SNX8: variants seen among roughly 807,000 people sequenced by gnomAD.
SNX8 encodes the protein sorting nexin-8.
In SNX8, 25 loss-of-function variants were observed where a neutral mutation model predicts 51.6. The ratio of observed to expected loss-of-function variants is 0.48; its 90% CI spans 0.35 to 0.68. The LOEUF is 0.68. Among genes scored for constraint, SNX8 ranks in the 30% least tolerant of loss-of-function variants. The pLI, the probability that SNX8 is intolerant of heterozygous loss-of-function variation, is 0.00. For missense variants in SNX8, 695 were observed against 624.0 expected (o/e 1.11, Z -1.21); for synonymous variants, 324 against 277.0 (o/e 1.17, Z -1.68).
chr7:2,305,341 T>C (rs1424163423), intron 1 of SNX8, among the ~76,000 whole-genome samples: 1 of 152,172 alleles, frequency 6.6e-6, no homozygotes, highest in East Asian at 1.9e-4. Flanking sequence ...ACCTCAGGTT[T>C]TCCCCCAACA....
At chr7:2,288,714 T>A (rs1796086908) in intron 1 of SNX8, among the ~76,000 whole-genome samples, 1 of 151,780 alleles carries the variant, frequency 6.6e-6, no homozygotes, top group Admixed American at 6.6e-5. Flanking sequence ...AGCTCAGGGG[T>A]TTTTTGGGGG....
chr7:2,265,734 C>T (rs1345561695), intron 5 of SNX8, among the ~76,000 whole-genome samples: 2 of 152,192 alleles, frequency 1.3e-5, no homozygotes, highest in Non-Finnish European at 2.9e-5. Context: ...TCTTCTATGC[C>T]GCGTTTATTC....
At chr7:2,275,368 T>C in intron 2 of SNX8, 139 bp from the exon 3 acceptor site, 1 of 694,272 alleles carries the variant, frequency 1.4e-6, no homozygotes, top group East Asian at 2.5e-5. Context: ...AGAAACCCTG[T>C]GACGGCTTCG....
chr7:2,310,110 C>T (rs1796632150), intron 1 of SNX8, among the ~76,000 whole-genome samples: 3 of 152,130 alleles, frequency 2.0e-5, no homozygotes, highest in South Asian at 4.1e-4. Flanking sequence ...AGCCAGGATA[C>T]GCCGTGGTCA....
chr7:2,341,074 G>A lies in SNX8; in HGVS notation c.-66+13148C>T, dbSNP rs555215313. ...ATCCCCAGCTACTCAAGAAACTGAG[G>A]TGGGAGGATCACTGGAGCCCAAGTG... On this transcript the variant is annotated intron_variant, in intron 1 of 5. Coordinates refer to the SNX8 transcript ENST00000435336. Among the ~76,000 whole-genome samples, 4 of 151,034 alleles carry A rather than the reference G, an allele frequency of 2.6e-5. No individual in the cohort carries two copies. In the East Asian group the frequency reaches 5.8e-4, roughly 22 times the overall value.
At position 2,303,426 on chromosome 7, in the gene SNX8, G is replaced by A. The variant is rs531151004; in HGVS notation, c.94+10902C>T. 2.0e-5 allele frequency among the ~76,000 whole-genome samples: 3 copies of A among 152,076 alleles called. No individual in the cohort carries two copies. The East Asian group carries it at 5.8e-4, about 30-fold the overall frequency. Reference sequence around the variant, plus strand: ...CTACTGGGAAGTGAGGAGCCCCTCTGCCCGGCCACCACCCCGTCTGGGAGG... The same window carrying A: ...CTACTGGGAAGTGAGGAGCCCCTCTACCCGGCCACCACCCCGTCTGGGAGG... On this transcript the variant is annotated intron_variant, in intron 1 of 10. Transcript: ENST00000222990.
At chr7:2,264,188 AG>A in intron 6 of SNX8, 109 bp downstream of exon 6, 1 of 1,038,762 alleles carries the variant, frequency 9.6e-7, no homozygotes. Context: ...GAGATGAAAC[AG>A]GTCAGGATGC....
intron 7 of SNX8, 80 bp from the exon 8 acceptor site, chr7:2,257,883 C>T (rs1198192492): frequency 5.1e-6 from 7 of 1,379,576 alleles, no homozygotes; most frequent in Non-Finnish European, 7.2e-6. Context: ...CCAAGCCTGG[C>T]CTGGGCCGGT....
chr7:2,322,130 A>G (rs1267407372), intron 1 of SNX8, among the ~76,000 whole-genome samples: 1 of 152,180 alleles, frequency 6.6e-6, no homozygotes, highest in African/African-American at 2.4e-5. Context: ...ATTTAGGAAA[A>G]TGGGAACTAG....
Position 2,256,912 on chromosome 7 carries a change from G to T in SNX8, c.1246C>A (p.Arg416Ser). ...TGGATCTGAGAGTTGACGAAGGCGC[G>T]GAGGATGTGGGAGGTGAGGGGCAGG... is the stretch of plus-strand genomic sequence containing the variant. ...VYLPLTSHIL[R>S]AFVNSQIQGH... The change falls in exon 10 of 11, where the codon CGC (arginine) becomes AGC (serine). Residue 416 changes from arginine (R) to serine (S), a missense_variant. Physicochemically the swap from Arg to Ser is moderately radical, Grantham distance 110 (BLOSUM62 -1). Coordinates refer to ENST00000222990, the MANE Select transcript of SNX8 (RefSeq NM_013321.4). The T allele has an allele frequency of 6.2e-7, 1 of 1,613,642 alleles. No individual in the cohort carries two copies. Among genetic ancestry groups the T allele is most frequent in the Non-Finnish European group, 8.5e-7 (1 of 1,179,844 alleles).
upstream of SNX8, among the ~76,000 whole-genome samples, chr7:2,317,881 A>C (rs1796781394): frequency 6.6e-6 from 1 of 151,896 alleles, no homozygotes; most frequent in African/African-American, 2.4e-5. Context: ...ACATATAACA[A>C]CTTTCCCTAG....
At chr7:2,277,316 G>A (rs1462957766) in intron 2 of SNX8, among the ~76,000 whole-genome samples, 3 of 152,236 alleles carry the variant, frequency 2.0e-5, no homozygotes, top group African/African-American at 7.2e-5. Context: ...CCCAGCAACA[G>A]GAGGGCCGTG....
At chr7:2,317,326 C>T (rs1046295720), upstream of SNX8, among the ~76,000 whole-genome samples, 3 of 113,812 alleles carry the variant, frequency 2.6e-5, no homozygotes, top group East Asian at 2.9e-4. Context: ...TTGCCTGGAG[C>T]GGAGGGCAGT....
intron 1 of SNX8, among the ~76,000 whole-genome samples, chr7:2,311,639 T>C (rs1187009881): frequency 6.6e-6 from 1 of 151,902 alleles, no homozygotes; most frequent in Non-Finnish European, 1.5e-5. Context: ...GTTTTCTCAA[T>C]GTAAAAAGAC....
At chr7:2,313,979 A>T (rs1167763372) in intron 1 of SNX8, among the ~76,000 whole-genome samples, 1 of 152,204 alleles carries the variant, frequency 6.6e-6, no homozygotes, top group Admixed American at 6.5e-5. Flanking sequence ...AGGGCAGAAG[A>T]GCAGGGCACC....
chr7:2,275,722 G>C (rs1394685351), intron 2 of SNX8, among the ~76,000 whole-genome samples: 1 of 151,980 alleles, frequency 6.6e-6, no homozygotes, highest in Non-Finnish European at 1.5e-5. Flanking sequence ...AAAAAGGCCG[G>C]GCGCGGTGGC....
At chr7:2,272,904 G>T (rs1795682748) in intron 3 of SNX8, among the ~76,000 whole-genome samples, 1 of 151,938 alleles carries the variant, frequency 6.6e-6, no homozygotes, top group South Asian at 2.1e-4. Context: ...TGTCATCTCG[G>T]CTCACTGCAA....
At chr7:2,257,846 A>G in intron 7 of SNX8, 43 bp from the exon 8 acceptor site, 1 of 1,581,646 alleles carries the variant, frequency 6.3e-7, no homozygotes, top group Non-Finnish European at 8.7e-7. Flanking sequence ...CGCACATAGG[A>G]CCCGGTCCCT....
At chr7:2,328,760 G>C (rs1023726760) in intron 1 of SNX8, among the ~76,000 whole-genome samples, 33 of 151,430 alleles carry the variant, frequency 2.2e-4, no homozygotes, top group African/African-American at 8.0e-4. Context: ...GACCATCCTG[G>C]CTAACCTGGT....
Sources: allele counts gnomAD v4.1 joint callset (sites outside exome capture counted in the v4.1 genomes callset), GRCh38; gene constraint gnomAD v4.1.1; transcripts MANE v1.5; gene names NCBI Gene and HGNC (gene_info 2026-07-23, HGNC 2026-07-21).